Variants in CFAP95 observed in about 807,000 individuals in gnomAD.
CFAP95 encodes the protein cilia and flagella associated protein 95.
At chr9:69,852,463 T>C in the CFAP95 span, among the ~76,000 whole-genome samples, 1 of 151,616 alleles carries the variant, frequency 6.6e-6, no homozygotes, top group Non-Finnish European at 1.5e-5. Context: ...GTTGGAGGAG[T>C]TGTCTGGAGA....
At chr9:69,897,601 C>T in the CFAP95 span, among the ~76,000 whole-genome samples, 1 of 152,042 alleles carries the variant, frequency 6.6e-6, no homozygotes, top group African/African-American at 2.4e-5. Context: ...CAAGGAATAG[C>T]CTACCAGAAG....
the CFAP95 span, among the ~76,000 whole-genome samples, chr9:69,831,345 C>T: frequency 6.6e-6 from 1 of 152,036 alleles, no homozygotes; most frequent in Non-Finnish European, 1.5e-5. Flanking sequence ...AACTGAATTG[C>T]TCAGTAAGGA....
chr9:69,884,408 G>T, the CFAP95 span: 3 of 152,142 alleles, frequency 2.0e-5, no homozygotes, highest in Non-Finnish European at 4.4e-5. Context: ...GAGTACAGGT[G>T]CAAGCTACTG....
the CFAP95 span, among the ~76,000 whole-genome samples, chr9:69,847,873 C>T: frequency 2.6e-5 from 4 of 152,274 alleles, no homozygotes; most frequent in South Asian, 2.1e-4. Flanking sequence ...AGTTTAAAAT[C>T]GGACTTACTT....
chr9:69,846,120 T>C, the CFAP95 span, among the ~76,000 whole-genome samples: 1 of 152,228 alleles, frequency 6.6e-6, no homozygotes, highest in African/African-American at 2.4e-5. Flanking sequence ...TTTTGATTTC[T>C]ATATTAAAGA....
the CFAP95 span, among the ~76,000 whole-genome samples, chr9:69,869,605 C>A: frequency 3.9e-5 from 6 of 151,904 alleles, no homozygotes; most frequent in African/African-American, 1.5e-4. Flanking sequence ...CTGAATTGTT[C>A]TTATCGCAAA....
chr9:69,864,441 G>T, the CFAP95 span, among the ~76,000 whole-genome samples: 8 of 152,206 alleles, frequency 5.3e-5, no homozygotes, highest in African/African-American at 1.9e-4. Context: ...CTACGTGACT[G>T]TGTGCTGCCT....
At chr9:69,882,457 G>C in the CFAP95 span, among the ~76,000 whole-genome samples, 4 of 151,732 alleles carry the variant, frequency 2.6e-5, no homozygotes, top group South Asian at 8.3e-4. Context: ...TTGTCTAATT[G>C]CTCTAGCTAA....
At chr9:69,862,772 G>A in the CFAP95 span, among the ~76,000 whole-genome samples, 3 of 152,158 alleles carry the variant, frequency 2.0e-5, no homozygotes, top group Admixed American at 6.5e-5. Context: ...ACACAGAAAC[G>A]GCATTTGACT....
the CFAP95 span, among the ~76,000 whole-genome samples, chr9:69,824,957 C>T: frequency 1.3e-5 from 2 of 152,274 alleles, no homozygotes; most frequent in African/African-American, 4.8e-5. Flanking sequence ...GACTGTATTG[C>T]TGGCATACTT....
At chr9:69,900,994 T>A in the CFAP95 span, among the ~76,000 whole-genome samples, 1 of 152,254 alleles carries the variant, frequency 6.6e-6, no homozygotes, top group South Asian at 2.1e-4. Context: ...TAGGTATATC[T>A]CCTAATGCTA....
the CFAP95 span, chr9:69,820,931 T>C: frequency 1.2e-6 from 2 of 1,614,068 alleles, no homozygotes; most frequent in Non-Finnish European, 1.7e-6. Flanking sequence ...GAAGCAACAC[T>C]GGTTGGAGAT....
chr9:69,838,105 A>G, the CFAP95 span, among the ~76,000 whole-genome samples: 1 of 152,192 alleles, frequency 6.6e-6, no homozygotes, highest in Non-Finnish European at 1.5e-5. Flanking sequence ...CTGTTTTGGT[A>G]CCAGTACCAT....
At chr9:69,890,559 C>T in the CFAP95 span, among the ~76,000 whole-genome samples, 2 of 152,120 alleles carry the variant, frequency 1.3e-5, no homozygotes, top group Non-Finnish European at 2.9e-5. Context: ...CAGATGTTGT[C>T]GTGCACATAA....
At chr9:69,886,944 T>C in the CFAP95 span, 1 of 1,431,506 alleles carries the variant, frequency 7.0e-7, no homozygotes, top group Non-Finnish European at 9.8e-7. Flanking sequence ...CTTGAAATGA[T>C]TATTTGCACC....
the CFAP95 span, among the ~76,000 whole-genome samples, chr9:69,905,185 C>T: frequency 6.6e-6 from 1 of 152,234 alleles, no homozygotes; most frequent in East Asian, 1.9e-4. Flanking sequence ...TTTGACAAAA[C>T]CCATCTAAGA....
At chr9:69,852,929 C>T in the CFAP95 span, among the ~76,000 whole-genome samples, 32 of 152,310 alleles carry the variant, frequency 2.1e-4, no homozygotes, top group African/African-American at 7.7e-4. Flanking sequence ...TGACTTGCTC[C>T]TCACTGCCTT....
chr9:69,864,134 T>A, the CFAP95 span, among the ~76,000 whole-genome samples: 2 of 152,206 alleles, frequency 1.3e-5, no homozygotes, highest in Admixed American at 1.3e-4. Context: ...CTTGTCGTTT[T>A]TACCAAATTT....
chr9:69,847,954 A>G, the CFAP95 span, among the ~76,000 whole-genome samples: 1 of 152,376 alleles, frequency 6.6e-6, no homozygotes, highest in South Asian at 2.1e-4. Context: ...GAAGTAAAGA[A>G]TTAGGTCACT....
Sources: gnomAD v4.1 joint callset for allele counts (sites outside exome capture counted in the v4.1 genomes callset) on GRCh38, gnomAD v4.1.1 for gene constraint, MANE v1.5 for transcripts, NCBI Gene and HGNC (gene_info 2026-07-23, HGNC 2026-07-21) for gene names.